The following CLTCL1 variants were observed in gnomAD, a reference collection of about 807,000 sequenced individuals.
CLTCL1 encodes clathrin heavy chain 2.
A neutral mutation model predicts 190.0 loss-of-function variants in CLTCL1; 159 were observed. The ratio of observed to expected loss-of-function variants is 0.84; its 90% CI spans 0.74 to 0.95. The LOEUF (loss-of-function observed/expected upper bound fraction) is 0.95, where lower values mean the gene tolerates loss of function less well. Among genes scored for constraint, CLTCL1 ranks in the 40% least tolerant of loss-of-function variants. The probability of loss-of-function intolerance (pLI) is 0.00; values close to 1 mark genes in which losing one functional copy is unlikely to be tolerated. For synonymous variants in CLTCL1, 752 were observed against 769.6 expected (o/e 0.98, Z 0.38); for missense variants, 1,878 against 2,033.4 (o/e 0.92, Z 1.47).
At chr22:19,289,325 C>A (rs539030570) in intron 1 of CLTCL1, among the ~76,000 whole-genome samples, 3 of 152,266 alleles carry the variant, frequency 2.0e-5, no homozygotes, top group African/African-American at 7.2e-5. Context: ...CTGCAGCCTG[C>A]TTTTGTATGG....
chr22:19,263,998 T>A (rs1015909563), intron 2 of CLTCL1, among the ~76,000 whole-genome samples: 1 of 152,008 alleles, frequency 6.6e-6, no homozygotes, highest in Non-Finnish European at 1.5e-5. Flanking sequence ...ACACAAATAG[T>A]CCAGTTAAAA....
Position 19,267,685 on chromosome 22 carries a change from G to C in CLTCL1, c.250+7938C>G, listed in dbSNP as rs184961605. Among the ~76,000 whole-genome samples, 219 of 152,244 alleles carry C rather than the reference G, an allele frequency of 1.4e-3. 1 individual carries two copies. Among genetic ancestry groups the C allele is most frequent in the Middle Eastern group, 3.4e-3 (1 of 294 alleles). ...GAGGCAGGTGGATTACCTGAGGTCA[G>C]GAGTTCAAGACCAGCTTGGCCAACA... On this transcript the variant is annotated intron_variant, in intron 2 of 32. Transcript: ENST00000427926.
intron 3 of CLTCL1, among the ~76,000 whole-genome samples, chr22:19,252,858 C>CA (rs782368689): frequency 2.0e-5 from 3 of 151,960 alleles, no homozygotes; most frequent in African/African-American, 4.8e-5. Flanking sequence ...ACTAAAAATA[C>CA]AAAAAATTAG....
At chr22:19,193,459 G>A (rs2084584068) in intron 26 of CLTCL1, among the ~76,000 whole-genome samples, 1 of 152,138 alleles carries the variant, frequency 6.6e-6, no homozygotes. Context: ...GACAGGATGG[G>A]GTGAGTCCAC....
chr22:19,208,121 GGCAGTGCACAGC>G, intron 22 of CLTCL1, 21 bp downstream of exon 22: 4 of 1,613,256 alleles, frequency 2.5e-6, no homozygotes, highest in Non-Finnish European at 3.4e-6. Flanking sequence ...AAATCTGACT[GGCAGTGCACAGC>G]CCCCAGGGGG....
intron 5 of CLTCL1, among the ~76,000 whole-genome samples, chr22:19,236,603 A>G (rs186934310): frequency 7.1e-4 from 108 of 152,334 alleles, no homozygotes; most frequent in Admixed American, 2.1e-3. Context: ...TGGAAGAGAC[A>G]GAGAGAGAAA....
In CLTCL1 at chr22:19,201,468, CCCT is replaced by C. The variant is rs1366709936; in HGVS notation, c.3623_3625del (p.Glu1208del). Reference sequence around the variant, plus strand: ...GAGCAGCTTGGCAGCCTCGTACATTCCCTCCTCGTAACAGCGGTCTCCAACCTA... The same window carrying C: ...GAGCAGCTTGGCAGCCTCGTACATTCCCTCGTAACAGCGGTCTCCAACCTA... On this transcript the variant is annotated inframe_deletion, in exon 23 of 33. Transcript: ENST00000427926. 1.2e-6 allele frequency: 2 copies of C among 1,613,602 alleles called. No homozygotes were observed. The highest frequency in any genetic ancestry group is 2.7e-5 in the African/African-American group (2 of 74,926).
chr22:19,237,460 C>T (rs192994686), intron 5 of CLTCL1, among the ~76,000 whole-genome samples: 342 of 152,294 alleles, frequency 2.2e-3, no homozygotes, highest in African/African-American at 7.6e-3. Flanking sequence ...CAGCTACCAC[C>T]GGCAGCATCA....
chr22:19,209,338 A>C, intron 20 of CLTCL1: 2 of 444,304 alleles, frequency 4.5e-6, no homozygotes, highest in Non-Finnish European at 8.0e-6. Context: ...CACTCCAATA[A>C]AGAGGCACAG....
chr22:19,242,946 G>T lies in CLTCL1; in HGVS notation c.520-10C>A. 3 of 1,606,092 alleles carry T rather than the reference G, an allele frequency of 1.9e-6. No individual in the cohort carries two copies. The highest frequency in any genetic ancestry group is 2.6e-6 in the Non-Finnish European group (3 of 1,174,758). ...CAACCACACGGTTTTGCTAAGAAAA[G>T]ATATTATGCAATGAAAGGGAGAGAA... On this transcript the variant is annotated splice_polypyrimidine_tract_variant and intron_variant, in intron 3 of 32. Coordinates refer to ENST00000427926, the MANE Select transcript of CLTCL1 (RefSeq NM_007098.4).
At chr22:19,289,509 T>C (rs1291284128) in intron 1 of CLTCL1, among the ~76,000 whole-genome samples, 2 of 151,896 alleles carry the variant, frequency 1.3e-5, no homozygotes, top group Non-Finnish European at 2.9e-5. Context: ...CTGTGGAACA[T>C]AAAAATAATG....
intron 29 of CLTCL1, 122 bp from the exon 30 acceptor site, chr22:19,183,733 C>G: frequency 1.1e-6 from 1 of 929,642 alleles, no homozygotes; most frequent in Non-Finnish European, 1.6e-6. Flanking sequence ...CGCTGTGGAG[C>G]AAGCCTGGAC....
intron 19 of CLTCL1, among the ~76,000 whole-genome samples, chr22:19,212,644 G>GA (rs201738487): frequency 0.059 from 8,800 of 147,968 alleles, 323 homozygotes; most frequent in Middle Eastern, 0.16. Flanking sequence ...GAAAGAGAAA[G>GA]AAAAAAGAAA....
chr22:19,234,751 C>T (rs1365982586), intron 6 of CLTCL1, 45 bp from the exon 7 acceptor site: 15 of 1,505,964 alleles, frequency 1.0e-5, no homozygotes, highest in Non-Finnish European at 1.4e-5. Context: ...TAGAAGAGTG[C>T]TCCACCATCC....
intron 30 of CLTCL1, chr22:19,182,570 C>T (rs1258008482): frequency 6.6e-6 from 1 of 152,202 alleles, no homozygotes; most frequent in Non-Finnish European, 1.5e-5. Flanking sequence ...AGGCAGCCCT[C>T]CAGGCTAAAG....
chr22:19,220,548 A>G (rs1356484986), intron 17 of CLTCL1, among the ~76,000 whole-genome samples: 2 of 152,264 alleles, frequency 1.3e-5, no homozygotes, highest in Non-Finnish European at 2.9e-5. Flanking sequence ...TCTGAATGTT[A>G]TAACAGATCT....
intron 3 of CLTCL1, chr22:19,250,034 A>G (rs1328411893): frequency 3.8e-6 from 1 of 261,224 alleles, no homozygotes. Context: ...TGGGCAGATC[A>G]CTTGAGGTCA....
intron 18 of CLTCL1, among the ~76,000 whole-genome samples, chr22:19,218,529 AG>A (rs2085463731): frequency 6.6e-6 from 1 of 152,244 alleles, no homozygotes; most frequent in Non-Finnish European, 1.5e-5. Flanking sequence ...GGTCAAATCC[AG>A]CCCTCAAGCC....
chr22:19,210,073 C>G (rs1555945561), intron 20 of CLTCL1, among the ~76,000 whole-genome samples: 2 of 151,846 alleles, frequency 1.3e-5, no homozygotes, highest in African/African-American at 2.4e-5. Context: ...GTACCCAAGT[C>G]CAAGGGAGTG....
Sources: allele counts gnomAD v4.1 joint callset (sites outside exome capture counted in the v4.1 genomes callset), GRCh38; gene constraint gnomAD v4.1.1; transcripts MANE v1.5; gene names NCBI Gene and HGNC (gene_info 2026-07-23, HGNC 2026-07-21).